The following MTUS2 variants were observed in gnomAD, a reference collection of about 807,000 sequenced individuals.
MTUS2 encodes the protein microtubule associated scaffold protein 2, also known as microtubule-associated tumor suppressor candidate 2.
Under a neutral mutation model 114.1 loss-of-function variants are expected in MTUS2, and 40 were observed. The observed-to-expected ratio is 0.35, with a 90% CI of 0.27 to 0.46. The LOEUF (loss-of-function observed/expected upper bound fraction) is 0.46. MTUS2 is among the 20% of genes least tolerant of loss of function. MTUS2 has a pLI of 1.00. For missense variants in MTUS2, 1,679 were observed against 1,705.4 expected (o/e 0.98, Z 0.27); for synonymous variants, 688 against 672.0 (o/e 1.02, Z -0.37).
At chr13:28,926,871 A>C (rs2138073384) in intron 2 of MTUS2, among the ~76,000 whole-genome samples, 1 of 152,318 alleles carries the variant, frequency 6.6e-6, no homozygotes, top group South Asian at 2.1e-4. Flanking sequence ...TAGTTGCTGA[A>C]ATAATAATAG....
chr13:29,486,433 T>C (rs1368647013), intron 10 of MTUS2, among the ~76,000 whole-genome samples: 1 of 152,238 alleles, frequency 6.6e-6, no homozygotes, highest in Non-Finnish European at 1.5e-5. Context: ...TCAGGCTTCC[T>C]TTCTTGGGGA....
At chr13:29,423,519 A>G (rs932127205) in intron 8 of MTUS2, among the ~76,000 whole-genome samples, 4 of 152,252 alleles carry the variant, frequency 2.6e-5, no homozygotes, top group Admixed American at 2.6e-4. Context: ...GAAGGGCTGC[A>G]GGCCAAAAAG....
At chr13:29,193,858 A>C (rs1036730808) in intron 5 of MTUS2, among the ~76,000 whole-genome samples, 2 of 152,250 alleles carry the variant, frequency 1.3e-5, no homozygotes, top group African/African-American at 4.8e-5. Context: ...ACAAGGCTAC[A>C]ATAACCAAAA....
At chr13:29,300,386 G>A (rs1022729037) in intron 6 of MTUS2, among the ~76,000 whole-genome samples, 2 of 152,130 alleles carry the variant, frequency 1.3e-5, no homozygotes, top group East Asian at 3.9e-4. Context: ...CTGCTTGTCA[G>A]CCTTGAGGAG....
chr13:28,854,111 C>T (rs914802324), intron 2 of MTUS2, among the ~76,000 whole-genome samples: 3 of 152,188 alleles, frequency 2.0e-5, no homozygotes, highest in Non-Finnish European at 4.4e-5. Context: ...AATGAGGCAT[C>T]AGCTGGGAAC....
At chr13:29,133,781 G>A (rs1170783538) in intron 5 of MTUS2, among the ~76,000 whole-genome samples, 1 of 152,184 alleles carries the variant, frequency 6.6e-6, no homozygotes, top group Non-Finnish European at 1.5e-5. Context: ...ATTAGGAAGT[G>A]TGTCTCCTCC....
At position 29,324,284 on chromosome 13, in the gene MTUS2, G is replaced by A. The variant is rs557449902; in HGVS notation, c.2807-329G>A. 3.9e-5 allele frequency among the ~76,000 whole-genome samples: 6 copies of A among 152,296 alleles called. No individual in the cohort carries two copies. In the South Asian group the frequency reaches 1.0e-3, roughly 26 times the overall value. On this transcript the variant is annotated intron_variant, in intron 6 of 15. Transcript: ENST00000612955. ...GAGAGGCAGGCAGACTAAATTGGTG[G>A]CTGAGGATGTAAAATTTTAATTCCC...
At chr13:29,285,694 A>G (rs189454740) in intron 6 of MTUS2, among the ~76,000 whole-genome samples, 26 of 152,348 alleles carry the variant, frequency 1.7e-4, no homozygotes, top group African/African-American at 6.3e-4. Flanking sequence ...AAGAGCAACA[A>G]CAACACAAAG....
At chr13:28,977,267 G>A (rs532611235) in intron 2 of MTUS2, among the ~76,000 whole-genome samples, 6 of 152,154 alleles carry the variant, frequency 3.9e-5, no homozygotes, top group South Asian at 2.1e-4. Context: ...ATTATTAAAA[G>A]CATTATTTTA....
intron 8 of MTUS2, among the ~76,000 whole-genome samples, chr13:29,400,163 T>G (rs1441941080): frequency 6.6e-6 from 1 of 152,140 alleles, no homozygotes; most frequent in Non-Finnish European, 1.5e-5. Context: ...GACAAAGATT[T>G]AAAGATTTAC....
intron 2 of MTUS2, among the ~76,000 whole-genome samples, chr13:28,844,006 A>T (rs1875689245): frequency 6.6e-6 from 1 of 152,254 alleles, no homozygotes; most frequent in Admixed American, 6.5e-5. Context: ...AAAGGAGTTC[A>T]TCATATTTGA....
chr13:28,892,969 A>C (rs559629491), intron 2 of MTUS2, among the ~76,000 whole-genome samples: 7 of 152,210 alleles, frequency 4.6e-5, no homozygotes, highest in Non-Finnish European at 1.0e-4. Context: ...AGATGTGAGG[A>C]GTCTTGGGGT....
intron 8 of MTUS2, among the ~76,000 whole-genome samples, chr13:29,398,156 G>A (rs1044889981): frequency 1.3e-5 from 2 of 152,020 alleles, no homozygotes; most frequent in East Asian, 1.9e-4. Context: ...AATTTAAAAG[G>A]TCATGCTGAA....
chr13:28,932,696 CAT>C (rs1881681740), intron 2 of MTUS2, among the ~76,000 whole-genome samples: 2 of 152,122 alleles, frequency 1.3e-5, no homozygotes, highest in Admixed American at 1.3e-4. Flanking sequence ...TGTGCAGACT[CAT>C]ATGTGAGAAA....
intron 8 of MTUS2, among the ~76,000 whole-genome samples, chr13:29,415,562 T>C (rs1157106519): frequency 6.6e-6 from 1 of 152,234 alleles, no homozygotes; most frequent in Non-Finnish European, 1.5e-5. Context: ...AATTGCTTTA[T>C]CTATCCATTT....
At chr13:29,326,962 A>G (rs1900544867) in intron 7 of MTUS2, among the ~76,000 whole-genome samples, 1 of 152,214 alleles carries the variant, frequency 6.6e-6, no homozygotes. Flanking sequence ...CCTCGGCAAC[A>G]GACTGAGATT....
intron 2 of MTUS2, among the ~76,000 whole-genome samples, chr13:28,857,761 T>G (rs955115844): frequency 1.3e-5 from 2 of 152,158 alleles, no homozygotes; most frequent in Non-Finnish European, 2.9e-5. Flanking sequence ...CCTACTTATG[T>G]TCAAGTTTGC....
chr13:29,352,479 G>A (rs943767228), intron 7 of MTUS2, among the ~76,000 whole-genome samples: 2 of 152,142 alleles, frequency 1.3e-5, no homozygotes, highest in Non-Finnish European at 2.9e-5. Flanking sequence ...TATTAGTTGA[G>A]CTATAATTCA....
chr13:29,046,540 CCTGTT>C (rs1245574886), intron 4 of MTUS2, among the ~76,000 whole-genome samples: 2 of 152,224 alleles, frequency 1.3e-5, no homozygotes, highest in African/African-American at 4.8e-5. Context: ...AACCCATCTG[CCTGTT>C]CTCTTTTTGC....
Sources: allele counts gnomAD v4.1 joint callset (sites outside exome capture counted in the v4.1 genomes callset), GRCh38; gene constraint gnomAD v4.1.1; transcripts MANE v1.5; gene names NCBI Gene and HGNC (gene_info 2026-07-23, HGNC 2026-07-21).